The following SORD variants were observed in gnomAD, a reference collection of about 807,000 sequenced individuals.
The protein encoded by SORD is sorbitol dehydrogenase.
In SORD, 18 loss-of-function variants were observed where a neutral mutation model predicts 35.6. That is an observed-to-expected ratio of 0.51 (90% CI 0.35 to 0.75). SORD has a LOEUF of 0.75. SORD is among the 30% of genes least tolerant of loss of function. SORD has a pLI of 0.01. For synonymous variants in SORD, 106 were observed against 152.9 expected (o/e 0.69, Z 2.26); for missense variants, 250 against 390.2 (o/e 0.64, Z 3.03).
chr15:45,070,612 T>C (rs1168316591), intron 7 of SORD: 1 of 152,226 alleles, frequency 6.6e-6, no homozygotes, highest in African/African-American at 2.4e-5. Flanking sequence ...AAGCCGAAGC[T>C]CAGAGAGGAA....
At chr15:45,049,452 G>GA (rs1236756813) in intron 3 of SORD, among the ~76,000 whole-genome samples, 1 of 152,098 alleles carries the variant, frequency 6.6e-6, no homozygotes, top group Non-Finnish European at 1.5e-5. Flanking sequence ...CTCTAGGCGA[G>GA]AAAAAACAAT....
intron 7 of SORD, chr15:45,070,810 G>A (rs1454866619): frequency 3.9e-5 from 6 of 152,186 alleles, no homozygotes; most frequent in Admixed American, 3.9e-4. Flanking sequence ...TAAAGGACAT[G>A]GCTCTCCTTC....
rs917597989 is a variant in SORD, at chr15:45,074,700, T to TAATTCCTTTAATTG, written c.*1171_*1172insATTCCTTTAATTGA. Reference sequence around the variant, plus strand: ...AGTAGCCATGACATAGCTTGAGCTATAGCCTTTAATTCCTTACTTTGGCTA... The same window carrying TAATTCCTTTAATTG: ...AGTAGCCATGACATAGCTTGAGCTATAATTCCTTTAATTGAGCCTTTAATTCCTTACTTTGGCTA... On this transcript the variant is annotated 3_prime_UTR_variant, in exon 9 of 9. Transcript: ENST00000267814. 1 of 129,144 alleles carries TAATTCCTTTAATTG rather than the reference T, an allele frequency of 7.7e-6. No individual in the cohort carries two copies. The highest frequency in any genetic ancestry group is 4.2e-5 in the African/African-American group (1 of 23,656). The allele number at this position is 129,144 out of a possible 1,614,324, so 8.0% of individuals were successfully genotyped here. A position where few individuals can be genotyped will look rare whatever the true frequency, so the allele number is the denominator to read the frequency against.
rs1277526804 is a variant in SORD at position 45,068,121 on chromosome 15, C to G, written c.545-60C>G. On this transcript the variant is annotated intron_variant, in intron 5 of 8. Coordinates refer to ENST00000267814, the MANE Select transcript of SORD (RefSeq NM_003104.6). ...ATATGGTTCCTATCCATGGCCTGGA[C>G]AAGTGGGAGAGCAGATGTTTAATAT... 5.4e-6 allele frequency: 7 copies of G among 1,301,872 alleles called. No individual in the cohort carries two copies. The African/African-American group carries it at 7.3e-5, about 14-fold the overall frequency. The allele number at this position is 1,301,872 out of a possible 1,614,324, so 80.6% of individuals were successfully genotyped here. A position where few individuals can be genotyped will look rare whatever the true frequency, so the allele number is the denominator to read the frequency against.
chr15:45,035,809 G>A lies in SORD; in HGVS notation c.67-4599G>A, dbSNP rs146338628. On this transcript the variant is annotated intron_variant, in intron 1 of 8. Coordinates refer to ENST00000267814, the MANE Select transcript of SORD (RefSeq NM_003104.6). ...CCGGGAGGAACGAACAACTCCAGAC[G>A]CGCCGCCTTAAGAGCTGTAACACTC... Among the ~76,000 whole-genome samples, 71 of 141,734 alleles carry A rather than the reference G, an allele frequency of 5.0e-4. 1 individual carries two copies. In the East Asian group the frequency reaches 0.012, roughly 25 times the overall value. The allele number at this position is 141,734 out of a possible 152,430, so 93.0% of individuals were successfully genotyped here. A position where few individuals can be genotyped will look rare whatever the true frequency, so the allele number is the denominator to read the frequency against.
chr15:45,045,835 C>G (rs1229815643), intron 3 of SORD, among the ~76,000 whole-genome samples: 1 of 152,028 alleles, frequency 6.6e-6, no homozygotes, highest in East Asian at 1.9e-4. Flanking sequence ...GAGACCCTGT[C>G]TCTACAAAAA....
At chr15:45,063,804 A>G (rs1893361789) in intron 4 of SORD, among the ~76,000 whole-genome samples, 1 of 152,018 alleles carries the variant, frequency 6.6e-6, no homozygotes, top group Non-Finnish European at 1.5e-5. Context: ...TCACGATTTC[A>G]TTTTCACCTT....
At chr15:45,048,496 C>G (rs1893079338) in intron 3 of SORD, among the ~76,000 whole-genome samples, 1 of 152,220 alleles carries the variant, frequency 6.6e-6, no homozygotes, top group East Asian at 1.9e-4. Flanking sequence ...ATTGCTTGAG[C>G]CTGGGGGTTT....
intron 1 of SORD, chr15:45,036,197 A>G: frequency 2.6e-6 from 1 of 383,420 alleles, no homozygotes. Flanking sequence ...GAACTGTAAC[A>G]CTCAATGCGA....
intron 7 of SORD, among the ~76,000 whole-genome samples, chr15:45,071,551 C>A (rs1184821071): frequency 6.6e-6 from 1 of 152,202 alleles, no homozygotes; most frequent in Admixed American, 6.5e-5. Context: ...CCAATAAATG[C>A]TTGCTGCTGA....
At chr15:45,041,024 C>T (rs1245648197) in intron 2 of SORD, among the ~76,000 whole-genome samples, 1 of 152,200 alleles carries the variant, frequency 6.6e-6, no homozygotes, top group Non-Finnish European at 1.5e-5. Context: ...AGTGAGCACA[C>T]TGGGGCAGGG....
At chr15:45,034,665 G>A (rs1270586006) in intron 1 of SORD, among the ~76,000 whole-genome samples, 1 of 152,238 alleles carries the variant, frequency 6.6e-6, no homozygotes, top group Non-Finnish European at 1.5e-5. Flanking sequence ...AGAGGTGACA[G>A]CGTGCTGGCA....
intron 3 of SORD, among the ~76,000 whole-genome samples, chr15:45,059,449 T>C (rs994814635): frequency 1.3e-5 from 2 of 152,084 alleles, no homozygotes; most frequent in Non-Finnish European, 2.9e-5. Flanking sequence ...TGATACTGAC[T>C]GTGGTATACT....
chr15:45,056,591 T>G (rs988404110), intron 3 of SORD, among the ~76,000 whole-genome samples: 2 of 152,248 alleles, frequency 1.3e-5, no homozygotes, highest in African/African-American at 4.8e-5. Flanking sequence ...TATTTGAATT[T>G]CTATATTTCC....
intron 6 of SORD, 113 bp from the exon 7 acceptor site, chr15:45,068,764 C>T: frequency 2.9e-6 from 4 of 1,374,420 alleles, no homozygotes; most frequent in Non-Finnish European, 3.8e-6. Context: ...CCACCCATTG[C>T]ACGAGAGCTT....
intron 1 of SORD, among the ~76,000 whole-genome samples, chr15:45,037,636 A>G (rs979306829): frequency 1.3e-5 from 2 of 152,130 alleles, no homozygotes; most frequent in African/African-American, 4.8e-5. Context: ...AAAGAATGAG[A>G]TCATGTCTTT....
At chr15:45,035,859 C>G (rs915483510) in intron 1 of SORD, among the ~76,000 whole-genome samples, 9 of 147,044 alleles carry the variant, frequency 6.1e-5, no homozygotes, top group East Asian at 2.0e-4. Flanking sequence ...CAGCTTCACT[C>G]CTGAGCCAGC....
Position 45,023,200 on chromosome 15 carries a change from C to T in SORD, c.-84C>T. On this transcript the variant is annotated 5_prime_UTR_variant, in exon 1 of 9. Coordinates refer to ENST00000267814, the MANE Select transcript of SORD (RefSeq NM_003104.6). ...CCAGGCCCCACCTTCCATCCAGTGC[C>T]CTGGACCCTCGGCTGGGTAGCGCCA... 3 of 1,238,094 alleles carry T rather than the reference C, an allele frequency of 2.4e-6. No homozygotes were observed. The highest frequency in any genetic ancestry group is 1.5e-5 in the African/African-American group (1 of 64,918). 76.7% of individuals were successfully genotyped at this position (1,238,094 alleles called of 1,614,324 possible). A position where few individuals can be genotyped will look rare whatever the true frequency, so the allele number is the denominator to read the frequency against.
chr15:45,051,239 G>T (rs1244223032), intron 3 of SORD, among the ~76,000 whole-genome samples: 1 of 152,184 alleles, frequency 6.6e-6, no homozygotes, highest in East Asian at 1.9e-4. Flanking sequence ...CCTTAATTAT[G>T]ATTGATAGCA....
Sources: allele counts gnomAD v4.1 joint callset (sites outside exome capture counted in the v4.1 genomes callset), GRCh38; gene constraint gnomAD v4.1.1; transcripts MANE v1.5; gene names NCBI Gene and HGNC (gene_info 2026-07-23, HGNC 2026-07-21).